The following KLK6 variants were observed in gnomAD, a reference collection of about 807,000 sequenced individuals.
KLK6 encodes the protein kallikrein-6.
Under a neutral mutation model 21.7 loss-of-function variants are expected in KLK6, and 16 were observed. That is an observed-to-expected ratio of 0.74 (90% CI 0.50 to 1.12). The LOEUF (loss-of-function observed/expected upper bound fraction) is 1.12, where lower values mean the gene tolerates loss of function less well. Among genes scored for constraint, KLK6 ranks in the 50% most tolerant of loss-of-function variants. The pLI, the probability that KLK6 is intolerant of heterozygous loss-of-function variation, is 0.00. For synonymous variants in KLK6, 116 were observed against 120.1 expected (o/e 0.97, Z 0.22); for missense variants, 276 against 304.6 (o/e 0.91, Z 0.70).
chr19:50,967,615 G>A (rs2090948361), intron 3 of KLK6, among the ~76,000 whole-genome samples: 1 of 150,992 alleles, frequency 6.6e-6, no homozygotes, highest in Non-Finnish European at 1.5e-5. Context: ...AGGTGGGAGG[G>A]TCACTTGAGA....
intron 1 of KLK6, chr19:50,968,884 C>G (rs938119044): frequency 1.3e-5 from 2 of 153,602 alleles, no homozygotes; most frequent in Non-Finnish European, 2.9e-5. Flanking sequence ...CTCCCGCCCC[C>G]ACGCTCTGCT....
intron 3 of KLK6, among the ~76,000 whole-genome samples, chr19:50,967,663 C>A (rs1445234636): frequency 1.3e-5 from 2 of 151,496 alleles, no homozygotes; most frequent in Admixed American, 1.3e-4. Context: ...ATGGATCATG[C>A]CACTACACTC....
intron 4 of KLK6, among the ~76,000 whole-genome samples, chr19:50,964,646 A>T (rs1209026050): frequency 6.6e-6 from 1 of 152,196 alleles, no homozygotes. Context: ...TTTTTGTTCT[A>T]TTCAGATATA....
At position 50,959,318 on chromosome 19, in the gene KLK6, T is replaced by G; in HGVS notation, c.583-2A>C. The G allele has an allele frequency of 6.2e-7, 1 of 1,612,280 alleles. No individual in the cohort carries two copies. The highest frequency in any genetic ancestry group is 1.3e-5 in the African/African-American group (1 of 74,594). Reference sequence around the variant, plus strand: ...TACCAGCGGACCCCCAGAATCACCCTGCAGGAAAGAGGGAGAAAGTCAGAT... The same window carrying G: ...TACCAGCGGACCCCCAGAATCACCCGGCAGGAAAGAGGGAGAAAGTCAGAT... On this transcript the variant is annotated splice_acceptor_variant, in intron 6 of 6. Transcript: ENST00000310157. LOFTEE classifies it high-confidence loss of function.
At chr19:50,964,137 C>A (rs185122228) in intron 4 of KLK6, among the ~76,000 whole-genome samples, 2 of 152,276 alleles carry the variant, frequency 1.3e-5, no homozygotes, top group Non-Finnish European at 2.9e-5. Flanking sequence ...CCCTGTCTTG[C>A]CTTGAACACA....
At chr19:50,968,253 C>G (rs1395609673) in intron 2 of KLK6, 141 bp from the exon 3 acceptor site, 1 of 762,156 alleles carries the variant, frequency 1.3e-6, no homozygotes, top group Non-Finnish European at 2.3e-6. Flanking sequence ...CATCTAGCCT[C>G]CTGATTTATT....
Position 50,959,044 on chromosome 19 carries a change from T to C in KLK6, c.*120A>G. 3 of 1,086,280 alleles carry C rather than the reference T, an allele frequency of 2.8e-6. No individual in the cohort carries two copies. The highest frequency in any genetic ancestry group is 4.1e-6 in the Non-Finnish European group (3 of 726,060). The allele number at this position is 1,086,280 out of a possible 1,614,324, so 67.3% of individuals were successfully genotyped here. On this transcript the variant is annotated 3_prime_UTR_variant, in exon 7 of 7. Transcript: ENST00000310157. ...GAATCAGGACCCTCACGTCGCTGCG[T>C]TTATTAAGCATCAGGGTCAGAGCTG... is the stretch of plus-strand genomic sequence containing the variant.
chr19:50,963,330 G>A lies in KLK6; in HGVS notation c.417C>T (p.His139=). The change falls in exon 5 of 7, where the codon CAC becomes CAT. Residue 139 remains histidine, a synonymous_variant. Coordinates refer to ENST00000310157, the MANE Select transcript of KLK6 (RefSeq NM_002774.4). The part of the protein sequence containing the change: ...RDCSANTTSC[H]ILGWGKTADG... ...CTGCTGTCTTGCCCCAGCCCAGGATGTGGCAGCTGGTGGTGTTGGCTGAGC... is the reference window on the plus strand; with the variant it reads ...CTGCTGTCTTGCCCCAGCCCAGGATATGGCAGCTGGTGGTGTTGGCTGAGC... The A allele has an allele frequency of 9.9e-6, 16 of 1,614,056 alleles. No individual in the cohort carries two copies. Among genetic ancestry groups the A allele is most frequent in the Non-Finnish European group, 1.4e-5 (16 of 1,179,920 alleles).
chr19:50,959,161 G>A lies in KLK6; in HGVS notation c.*3C>T. 1.2e-6 allele frequency: 2 copies of A among 1,614,138 alleles called. No individual in the cohort carries two copies. Among genetic ancestry groups the A allele is most frequent in the Non-Finnish European group, 1.7e-6 (2 of 1,180,006 alleles). ...GTCGGGAGGTAGATGTCACATGTCA[G>A]GGTCACTTGGCCTGAATGGTTTTTT... On this transcript the variant is annotated 3_prime_UTR_variant, in exon 7 of 7. Transcript: ENST00000310157.
chr19:50,965,141 G>C (rs1315152008), intron 4 of KLK6, among the ~76,000 whole-genome samples: 1 of 152,132 alleles, frequency 6.6e-6, no homozygotes, highest in Non-Finnish European at 1.5e-5. Flanking sequence ...TGTCACCCAG[G>C]CTGGATCTGC....
chr19:50,959,132 G>A lies in KLK6; in HGVS notation c.*32C>T. The stretch of plus-strand genomic sequence containing the variant: ...CGTTCTGGAACCAGCCAGTGGGGTG[G>A]TAGGTCGGGAGGTAGATGTCACATG... On this transcript the variant is annotated 3_prime_UTR_variant, in exon 7 of 7. Transcript: ENST00000310157. 1 of 1,613,436 alleles carries A rather than the reference G, an allele frequency of 6.2e-7. No individual in the cohort carries two copies. The highest frequency in any genetic ancestry group is 8.5e-7 in the Non-Finnish European group (1 of 1,179,534).
Position 50,958,956 on chromosome 19 carries a change from C to T in KLK6, c.*208G>A. ...AGTGGTGGGGGTAAGACCGAGGACC[C>T]AAGTCCTCACTCATCACGTCCTCCC... On this transcript the variant is annotated 3_prime_UTR_variant, in exon 7 of 7. Coordinates refer to ENST00000310157, the MANE Select transcript of KLK6 (RefSeq NM_002774.4). 3 of 605,764 alleles carry T rather than the reference C, an allele frequency of 5.0e-6. No homozygotes were observed. Among genetic ancestry groups the T allele is most frequent in the East Asian group, 5.6e-5 (2 of 35,764 alleles). The allele number at this position is 605,764 out of a possible 1,614,324, so 37.5% of individuals were successfully genotyped here.
intron 3 of KLK6, among the ~76,000 whole-genome samples, chr19:50,967,613 G>A (rs953328765): frequency 1.3e-5 from 2 of 151,388 alleles, no homozygotes; most frequent in African/African-American, 4.9e-5. Flanking sequence ...TGAGGTGGGA[G>A]GGTCACTTGA....
At chr19:50,967,552 A>C (rs111404921) in intron 3 of KLK6, among the ~76,000 whole-genome samples, 4,466 of 50,580 alleles carry the variant, frequency 0.088, 89 homozygotes, top group Middle Eastern at 0.13. Context: ...CACACACACA[A>C]ATTAGCAGGG....
chr19:50,964,413 T>C (rs1173658391), intron 4 of KLK6, among the ~76,000 whole-genome samples: 1 of 152,256 alleles, frequency 6.6e-6, no homozygotes, highest in Non-Finnish European at 1.5e-5. Flanking sequence ...ATTGTGTTAT[T>C]TCTCCTCCTT....
intron 4 of KLK6, among the ~76,000 whole-genome samples, chr19:50,965,929 G>A (rs988256172): frequency 2.0e-5 from 3 of 152,284 alleles, no homozygotes; most frequent in Admixed American, 6.5e-5. Flanking sequence ...GGCAGCTGTC[G>A]TGAATCTGAC....
chr19:50,959,060 G>T lies in KLK6; in HGVS notation c.*104C>A, dbSNP rs550206137. The T allele has an allele frequency of 8.5e-5, 107 of 1,260,372 alleles. 1 individual carries two copies. The Middle Eastern group carries it at 1.1e-3, about 13-fold the overall frequency. The allele number at this position is 1,260,372 out of a possible 1,614,324, so 78.1% of individuals were successfully genotyped here. A position where few individuals can be genotyped will look rare whatever the true frequency, so the allele number is the denominator to read the frequency against. On this transcript the variant is annotated 3_prime_UTR_variant, in exon 7 of 7. Transcript: ENST00000310157. ...GTCGCTGCGTTTATTAAGCATCAGG[G>T]TCAGAGCTGGGCAGGAGAGGAGGGG...
At chr19:50,961,014 T>G (rs1381307502) in intron 6 of KLK6, among the ~76,000 whole-genome samples, 4 of 152,194 alleles carry the variant, frequency 2.6e-5, no homozygotes, top group Non-Finnish European at 5.9e-5. Flanking sequence ...TTCACCCACC[T>G]CGGCCTCCCA....
chr19:50,962,965 A>G lies in KLK6; in HGVS notation c.445+337T>C, dbSNP rs756560879. Among the ~76,000 whole-genome samples, 6 of 152,096 alleles carry G rather than the reference A, an allele frequency of 3.9e-5. No individual in the cohort carries two copies. The South Asian group carries it at 6.2e-4, about 16-fold the overall frequency. ...CTCCATTATTCCTTCCTGCTGTTCA[A>G]TGAATCCTGATCAGTCCCCTTTGAC... On this transcript the variant is annotated intron_variant, in intron 5 of 6. Coordinates refer to ENST00000310157, the MANE Select transcript of KLK6 (RefSeq NM_002774.4).
Sources: gnomAD v4.1 joint callset for allele counts (sites outside exome capture counted in the v4.1 genomes callset) on GRCh38, gnomAD v4.1.1 for gene constraint, MANE v1.5 for transcripts, NCBI Gene and HGNC (gene_info 2026-07-23, HGNC 2026-07-21) for gene names.